COL5A1: variants seen among roughly 807,000 people sequenced by gnomAD.
COL5A1 encodes collagen alpha-1(V) chain.
A neutral mutation model predicts 263.7 loss-of-function variants in COL5A1; 16 were observed. The ratio of observed to expected loss-of-function variants is 0.06; its 90% confidence interval spans 0.04 to 0.09. COL5A1 has a LOEUF of 0.09. Ranked by LOEUF, COL5A1 falls within the 10% of genes least tolerant of loss-of-function variation. COL5A1 has a pLI of 1.00. For synonymous variants in COL5A1, 1,012 were observed against 1,004.5 expected (o/e 1.01, Z -0.14); for missense variants, 2,036 against 2,540.5 (o/e 0.80, Z 4.27).
In COL5A1 at chr9:134,737,590, A is replaced by G. The variant is rs142166753; in HGVS notation, c.1390-884A>G. ...CTGAAGTCGTCATGGAACACGGAGG[A>G]CTCTTGGGGCATTGGGGGTGCCTGA... is the stretch of plus-strand genomic sequence containing the variant. On this transcript the variant is annotated intron_variant, in intron 9 of 65. Transcript: ENST00000371817. Among the ~76,000 whole-genome samples the G allele has an allele frequency of 9.5e-3, 1,446 of 152,006 alleles. 14 individuals carry two copies. The highest frequency in any genetic ancestry group is 0.02 in the Middle Eastern group (6 of 294).
At chr9:134,646,411 G>A (rs542884042) in intron 1 of COL5A1, among the ~76,000 whole-genome samples, 2 of 151,038 alleles carry the variant, frequency 1.3e-5, no homozygotes, top group Admixed American at 6.6e-5. Flanking sequence ...ACCCTCCTTC[G>A]TGGGGTCCTC....
chr9:134,825,959 C>A, intron 63 of COL5A1, 55 bp downstream of exon 63: 1 of 1,149,878 alleles, frequency 8.7e-7, no homozygotes, highest in Non-Finnish European at 1.3e-6. Flanking sequence ...CAGACAGGGC[C>A]ATGCCGAGGG....
At chr9:134,747,407 G>A (rs1835556287) in intron 11 of COL5A1, among the ~76,000 whole-genome samples, 1 of 152,200 alleles carries the variant, frequency 6.6e-6, no homozygotes, top group African/African-American at 2.4e-5. Flanking sequence ...GCAACACCAT[G>A]TGAGCAGGAG....
chr9:134,685,608 ATCCATCCATCCACCATCCATCCATCC>A (rs201924301), intron 1 of COL5A1, among the ~76,000 whole-genome samples: 6 of 8,462 alleles, frequency 7.1e-4, no homozygotes, highest in East Asian at 3.2e-3. Flanking sequence ...TCCATCCATC[ATCCATCCATCCACCATCCATCCATCC>A]ACCATCCATC....
At chr9:134,685,046 C>T (rs1483768738) in intron 1 of COL5A1, among the ~76,000 whole-genome samples, 2 of 114,608 alleles carry the variant, frequency 1.7e-5, no homozygotes, top group Admixed American at 1.9e-4. Context: ...ATCCATCCAC[C>T]ATCCATCCAC....
intron 33 of COL5A1, 59 bp from the exon 34 acceptor site, chr9:134,795,203 G>T: frequency 6.2e-7 from 1 of 1,612,624 alleles, no homozygotes; most frequent in Non-Finnish European, 8.5e-7. Flanking sequence ...GGGGCTGGGG[G>T]AAGGCAGTGT....
intron 9 of COL5A1, chr9:134,732,458 A>C: frequency 2.0e-6 from 1 of 500,676 alleles, no homozygotes; most frequent in Non-Finnish European, 3.7e-6. Context: ...GCGGAGGCGG[A>C]GTCCCCTTTG....
intron 43 of COL5A1, among the ~76,000 whole-genome samples, chr9:134,809,920 T>C (rs1417433761): frequency 6.6e-6 from 1 of 152,184 alleles, no homozygotes; most frequent in Non-Finnish European, 1.5e-5. Context: ...TTTTAATAAC[T>C]TCTTCGGCAA....
rs1253620632 is a variant in COL5A1, at chr9:134,841,698, C to T, written c.5371-459C>T. 3.9e-5 allele frequency among the ~76,000 whole-genome samples: 6 copies of T among 152,234 alleles called. No individual in the cohort carries two copies. The highest frequency in any genetic ancestry group is 2.1e-4 in the South Asian group (1 of 4,816). On this transcript the variant is annotated intron_variant, in intron 65 of 65. Transcript: ENST00000371817. This position sits in a 1 kb window ranked among gnomAD's most constrained non-coding sequence, Gnocchi z 4.8. ...GCTCAAGGCTCTGCCGGTGCCGCCTCGGACTCCTTCCTTTTCGAACCTGGA... is the reference window on the plus strand; with the variant it reads ...GCTCAAGGCTCTGCCGGTGCCGCCTTGGACTCCTTCCTTTTCGAACCTGGA...
rs144384167 is a variant in COL5A1 at position 134,820,192 on chromosome 9, C to T, written c.4523C>T (p.Pro1508Leu). The change falls in exon 58 of 66, where the codon CCC (proline) becomes CTC (leucine). Residue 1508 changes from proline to leucine, a missense_variant. By Grantham distance (98) the Pro-to-Leu change is moderately conservative. Coordinates refer to ENST00000371817, the MANE Select transcript of COL5A1 (RefSeq NM_000093.5). ...GEKGDRGLPG[P>L]QGSSGPKGEQ... ...AAGGGCGACCGTGGTCTCCCTGGCC[C>T]CCAGGGCTCCTCCGGTCCTAAGGGA... 4 of 1,613,904 alleles carry T rather than the reference C, an allele frequency of 2.5e-6. No homozygotes were observed. In the East Asian group the frequency reaches 8.9e-5, roughly 36 times the overall value.
At chr9:134,732,328 C>T (rs1335527707) in intron 9 of COL5A1, 2 of 669,474 alleles carry the variant, frequency 3.0e-6, no homozygotes, top group Non-Finnish European at 5.4e-6. Context: ...AGGGGATGTT[C>T]TGGACTGTGA....
rs570474496 is a variant in COL5A1 at position 134,666,481 on chromosome 9, G to A, written c.109+24185G>A. 2.0e-5 allele frequency among the ~76,000 whole-genome samples: 3 copies of A among 152,352 alleles called. No homozygotes were observed. In the South Asian group the frequency reaches 6.2e-4, roughly 32 times the overall value. ...GAGGCTCTGGGCCTTGGGTGTCAGTGGGCATGAGCAGGCTTCAGGGGACTC... is the reference window on the plus strand; with the variant it reads ...GAGGCTCTGGGCCTTGGGTGTCAGTAGGCATGAGCAGGCTTCAGGGGACTC... On this transcript the variant is annotated intron_variant, in intron 1 of 65. Coordinates refer to ENST00000371817, the MANE Select transcript of COL5A1 (RefSeq NM_000093.5).
At chr9:134,648,768 G>A (rs535080331) in intron 1 of COL5A1, among the ~76,000 whole-genome samples, 4 of 152,276 alleles carry the variant, frequency 2.6e-5, no homozygotes, top group Admixed American at 1.3e-4. Flanking sequence ...CACTGGGTAC[G>A]CAGGAGAAAA....
intron 6 of COL5A1, among the ~76,000 whole-genome samples, 173 bp downstream of exon 6, chr9:134,728,980 G>T (rs750357409): frequency 6.6e-6 from 1 of 152,224 alleles, no homozygotes; most frequent in Non-Finnish European, 1.5e-5. Context: ...TTGCTGTCAC[G>T]GGGCGTATCG....
intron 27 of COL5A1, among the ~76,000 whole-genome samples, chr9:134,779,559 T>C (rs539121920): frequency 1.3e-5 from 2 of 152,330 alleles, no homozygotes; most frequent in East Asian, 1.9e-4. Context: ...CTAGGTGCTG[T>C]TCTGAGAGCT....
At chr9:134,800,682 C>T (rs1300559113) in intron 37 of COL5A1, among the ~76,000 whole-genome samples, 1 of 141,712 alleles carries the variant, frequency 7.1e-6, no homozygotes, top group Non-Finnish European at 1.5e-5. Context: ...GAGGTGGAGG[C>T]TGCCGTGAGC....
At chr9:134,654,767 TGTG>T (rs1236410432) in intron 1 of COL5A1, among the ~76,000 whole-genome samples, 1 of 80,468 alleles carries the variant, frequency 1.2e-5, no homozygotes, top group Non-Finnish European at 2.5e-5. Context: ...GTGTAGGGCT[TGTG>T]GTGTCTAGGG....
intron 32 of COL5A1, among the ~76,000 whole-genome samples, chr9:134,792,755 G>A (rs1465870840): frequency 7.3e-6 from 1 of 137,788 alleles, no homozygotes; most frequent in Non-Finnish European, 1.5e-5. Context: ...GCATGCATGC[G>A]TGCATGTGTG....
intron 10 of COL5A1, 105 bp from the exon 11 acceptor site, chr9:134,738,641 C>A: frequency 6.6e-7 from 1 of 1,516,256 alleles, no homozygotes; most frequent in Non-Finnish European, 9.2e-7. Flanking sequence ...CCCCTGGGAG[C>A]CGGCGCTATC....
Sources: allele counts gnomAD v4.1 joint callset (sites outside exome capture counted in the v4.1 genomes callset), GRCh38; gene constraint gnomAD v4.1.1; non-coding constraint Gnocchi (gnomAD v3.1); transcripts MANE v1.5; gene names NCBI Gene and HGNC (gene_info 2026-07-23, HGNC 2026-07-21).